Variants in CEP63 observed in about 807,000 individuals in gnomAD.
The protein encoded by CEP63 is centrosomal protein 63.
In CEP63, 84 loss-of-function variants were observed where a neutral mutation model predicts 89.1. The observed-to-expected ratio is 0.94, with a 90% confidence interval of 0.79 to 1.13. The LOEUF (loss-of-function observed/expected upper bound fraction) is 1.13, where lower values mean the gene tolerates loss of function less well. Ranked by LOEUF, CEP63 falls within the 50% of genes most tolerant of loss-of-function variation. The pLI is 0.00. For synonymous variants in CEP63, 267 were observed against 272.5 expected (o/e 0.98, Z 0.20); for missense variants, 838 against 813.3 (o/e 1.03, Z -0.37).
chr3:134,780,852 C>G, the CEP63 span, among the ~76,000 whole-genome samples: 1 of 152,132 alleles, frequency 6.6e-6, no homozygotes, highest in East Asian at 1.9e-4. Context: ...ACATTCTCCT[C>G]CTTACAGCCC....
the CEP63 span, among the ~76,000 whole-genome samples, chr3:134,732,630 T>G: frequency 7.9e-5 from 12 of 151,910 alleles, no homozygotes; most frequent in Non-Finnish European, 1.6e-4. Context: ...AGTAAAATAG[T>G]TTTGAAAAAA....
chr3:134,656,422 G>A, the CEP63 span, among the ~76,000 whole-genome samples: 1 of 152,246 alleles, frequency 6.6e-6, no homozygotes, highest in Admixed American at 6.5e-5. Flanking sequence ...CCAGTCTGCT[G>A]TGGGTGAAGC....
chr3:134,719,420 A>G, the CEP63 span, among the ~76,000 whole-genome samples: 1 of 152,318 alleles, frequency 6.6e-6, no homozygotes, highest in South Asian at 2.1e-4. Flanking sequence ...CCTAGGATAT[A>G]GATTATTTTC....
the CEP63 span, among the ~76,000 whole-genome samples, chr3:134,626,959 A>G: frequency 6.6e-6 from 1 of 152,208 alleles, no homozygotes; most frequent in Admixed American, 6.5e-5. Flanking sequence ...AAGTGCATTC[A>G]AAGTGGACTC....
At chr3:134,611,635 CT>C in the CEP63 span, among the ~76,000 whole-genome samples, 1 of 152,250 alleles carries the variant, frequency 6.6e-6, no homozygotes, top group East Asian at 1.9e-4. Context: ...GATGGGGCTC[CT>C]TTGAGTACCA....
At chr3:134,510,929 C>G (rs1328632104) in intron 3 of CEP63, 1 of 186,996 alleles carries the variant, frequency 5.3e-6, no homozygotes, top group Non-Finnish European at 1.1e-5. Context: ...AGGAGGATGT[C>G]TCCTCAGAAC....
chr3:134,695,599 G>A, the CEP63 span, among the ~76,000 whole-genome samples: 1 of 152,178 alleles, frequency 6.6e-6, no homozygotes, highest in Non-Finnish European at 1.5e-5. Context: ...CTGGGCAGAG[G>A]CACAGCAGTA....
the CEP63 span, chr3:134,619,154 A>G: frequency 2.5e-6 from 4 of 1,613,392 alleles, no homozygotes; most frequent in Admixed American, 6.7e-5. Flanking sequence ...GTACCTGCAC[A>G]TTCTCTCGAA....
the CEP63 span, among the ~76,000 whole-genome samples, chr3:134,690,488 C>T: frequency 6.6e-6 from 1 of 152,158 alleles, no homozygotes; most frequent in African/African-American, 2.4e-5. Context: ...GTTGCTGAGG[C>T]TCATAGGATG....
At chr3:134,639,972 A>AG in the CEP63 span, 1 of 175,110 alleles carries the variant, frequency 5.7e-6, no homozygotes, top group Non-Finnish European at 1.2e-5. Context: ...AAAAAAAAAA[A>AG]AAAAAAGAAA....
At chr3:134,488,245 T>G (rs1936340158) in intron 1 of CEP63, among the ~76,000 whole-genome samples, 1 of 152,190 alleles carries the variant, frequency 6.6e-6, no homozygotes, top group South Asian at 2.1e-4. Flanking sequence ...GACTAATGCC[T>G]GATGATCTGA....
At position 134,559,254 on chromosome 3, in the gene CEP63, C is replaced by T; in HGVS notation, c.1778C>T (p.Ser593Phe). The stretch of plus-strand genomic sequence containing the variant: ...GCGTCGGATAGTATAAACCCCATGT[C>T]TAGGGTGCTAAGCCCCCTGAGTCCT... ...GQASDSINPM[S>F]RVLSPLSPQI... The change falls in exon 14 of 15, where the codon TCT (serine) becomes TTT (phenylalanine). Residue 593 changes from serine (S) to phenylalanine (F), a missense_variant. By Grantham distance (155) the Ser-to-Phe change is radical (BLOSUM62 -2). Coordinates refer to ENST00000675561, the MANE Select transcript of CEP63 (RefSeq NM_001353108.3). 1 of 1,614,142 alleles carries T rather than the reference C, an allele frequency of 6.2e-7. No homozygotes were observed. Among genetic ancestry groups the T allele is most frequent in the South Asian group, 1.1e-5 (1 of 91,084 alleles).
At chr3:134,577,431 C>CTTTTTT (rs10662705), downstream of CEP63, among the ~76,000 whole-genome samples, 82 of 86,328 alleles carry the variant, frequency 9.5e-4, 7 homozygotes, top group South Asian at 3.8e-3. Context: ...TTCTAATCCA[C>CTTTTTT]TTTTTTTTTT....
the CEP63 span, among the ~76,000 whole-genome samples, chr3:134,652,869 T>A: frequency 6.6e-6 from 1 of 152,282 alleles, no homozygotes; most frequent in South Asian, 2.1e-4. Flanking sequence ...ACTAGAAGCC[T>A]GTGTACAGCA....
At chr3:134,624,897 T>A in the CEP63 span, among the ~76,000 whole-genome samples, 1 of 152,146 alleles carries the variant, frequency 6.6e-6, no homozygotes, top group Admixed American at 6.5e-5. Flanking sequence ...GCCTAGTGCC[T>A]TCTGTCCCCA....
chr3:134,619,209 T>C, the CEP63 span: 1 of 1,613,952 alleles, frequency 6.2e-7, no homozygotes, highest in Middle Eastern at 1.6e-4. Context: ...GTCCGCAGGA[T>C]GTCAGTGGGT....
the CEP63 span, among the ~76,000 whole-genome samples, chr3:134,763,258 G>A: frequency 2.0e-5 from 3 of 152,036 alleles, no homozygotes; most frequent in Admixed American, 1.3e-4. Context: ...AGGCCCCAGT[G>A]TGTGATGTTC....
chr3:134,528,387 C>T (rs747986020), intron 3 of CEP63, among the ~76,000 whole-genome samples: 8 of 152,106 alleles, frequency 5.3e-5, no homozygotes, highest in African/African-American at 1.4e-4. Flanking sequence ...TTTTTAAAAA[C>T]CTTGGTCAAA....
At chr3:134,755,428 T>A in the CEP63 span, among the ~76,000 whole-genome samples, 1 of 152,062 alleles carries the variant, frequency 6.6e-6, no homozygotes, top group African/African-American at 2.4e-5. Flanking sequence ...AGATAAGGGG[T>A]GAGTCTACCA....
Sources: gnomAD v4.1 joint callset for allele counts (sites outside exome capture counted in the v4.1 genomes callset) on GRCh38, gnomAD v4.1.1 for gene constraint, MANE v1.5 for transcripts, NCBI Gene and HGNC (gene_info 2026-07-23, HGNC 2026-07-21) for gene names.